Variants in THOC5 observed in about 807,000 individuals in gnomAD.
The protein encoded by THOC5 is Fms-interacting protein.
THOC5 carries 43 observed loss-of-function variants against 92.9 expected under a neutral mutation model. That is an observed-to-expected ratio of 0.46 (90% CI 0.36 to 0.60). The LOEUF is 0.60. Ranked by LOEUF, THOC5 falls within the 20% of genes least tolerant of loss-of-function variation. The probability of loss-of-function intolerance (pLI) is 0.00; values close to 1 mark genes in which losing one functional copy is unlikely to be tolerated. For synonymous variants in THOC5, 296 were observed against 320.1 expected, an observed-to-expected ratio of 0.92 and a Z score of 0.80; for missense variants, 659 against 849.4, an observed-to-expected ratio of 0.78 and a Z score of 2.79.
Position 29,528,415 on chromosome 22 carries a change from A to G in THOC5, c.966+11T>C. 6.2e-7 allele frequency: 1 copy of G among 1,613,938 alleles called. No individual in the cohort carries two copies. The highest frequency in any genetic ancestry group is 8.5e-7 in the Non-Finnish European group (1 of 1,180,016). On this transcript the variant is annotated intron_variant, in intron 10 of 19. Coordinates refer to ENST00000490103, the MANE Select transcript of THOC5 (RefSeq NM_003678.5). Reference sequence around the variant, plus strand: ...CTGCTTGATGCCCCCACAAGAGGAAATGGTTCTCACCGTAGTCTGCTCCTC... The same window carrying G: ...CTGCTTGATGCCCCCACAAGAGGAAGTGGTTCTCACCGTAGTCTGCTCCTC...
At chr22:29,548,544 G>A (rs2064074710) in intron 2 of THOC5, among the ~76,000 whole-genome samples, 3 of 152,108 alleles carry the variant, frequency 2.0e-5, no homozygotes, top group South Asian at 4.1e-4. Context: ...GACACAGTGA[G>A]ACCCTGTCTC....
Position 29,548,089 on chromosome 22 carries a change from A to C in THOC5, c.96+963T>G, listed in dbSNP as rs2064062896. On this transcript the variant is annotated intron_variant, in intron 2 of 19. Coordinates refer to ENST00000490103, the MANE Select transcript of THOC5 (RefSeq NM_003678.5). ...TTCACTATAATAAGAACAGCATGGG[A>C]AAGACCGGCCCCCATGATTCAATTA... 3.3e-5 allele frequency among the ~76,000 whole-genome samples: 5 copies of C among 152,186 alleles called. 1 individual carries two copies. The highest frequency in any genetic ancestry group is 3.3e-4 in the Admixed American group (5 of 15,274).
At chr22:29,535,181 T>G (rs1484212778) in intron 7 of THOC5, 1 of 143,588 alleles carries the variant, frequency 7.0e-6, no homozygotes, top group Non-Finnish European at 1.5e-5. Context: ...GAGAATCACT[T>G]GAACCTGGGA....
intron 1 of THOC5, among the ~76,000 whole-genome samples, chr22:29,552,736 G>T (rs1292280096): frequency 6.6e-6 from 1 of 152,190 alleles, no homozygotes; most frequent in Admixed American, 6.5e-5. Flanking sequence ...CCGTCTGGGA[G>T]GTGTACCCAA....
In THOC5 at chr22:29,517,123, G is replaced by T. The variant is rs770695148; in HGVS notation, c.1594-7C>A. The T allele has an allele frequency of 1.2e-6, 2 of 1,614,116 alleles. No homozygotes were observed. The highest frequency in any genetic ancestry group is 2.2e-5 in the East Asian group (1 of 44,884). On this transcript the variant is annotated splice_polypyrimidine_tract_variant and splice_region_variant and intron_variant, in intron 16 of 19. Coordinates refer to ENST00000490103, the MANE Select transcript of THOC5 (RefSeq NM_003678.5). ...CTTTGGTGAAGTGCAGCTCCTAGAA[G>T]AGGTACCACAGACAAGAGGTGAACT...
At chr22:29,548,683 G>T (rs549370562) in intron 2 of THOC5, among the ~76,000 whole-genome samples, 1 of 152,240 alleles carries the variant, frequency 6.6e-6, no homozygotes, top group African/African-American at 2.4e-5. Context: ...AGGTTCTGTG[G>T]GCACATGGTT....
chr22:29,551,950 T>G (rs941528490), intron 1 of THOC5, among the ~76,000 whole-genome samples: 4 of 151,922 alleles, frequency 2.6e-5, no homozygotes, highest in Non-Finnish European at 4.4e-5. Context: ...CACGCCTGAC[T>G]GGTTTTCGTA....
Position 29,544,383 on chromosome 22 carries a change from AG to A in THOC5, c.240+76del. 2.8e-6 allele frequency: 4 copies of A among 1,453,568 alleles called. No homozygotes were observed. In the South Asian group the frequency reaches 5.5e-5, roughly 20 times the overall value. The allele number at this position is 1,453,568 out of a possible 1,614,324, so 90.0% of individuals were successfully genotyped here. On this transcript the variant is annotated intron_variant, in intron 3 of 19. Transcript: ENST00000490103. The stretch of plus-strand genomic sequence containing the variant: ...CTAGGACAGAAGATCAAGATCAGGA[AG>A]GGCCCTGGTAGGTGCAAAAACAGCC...
intron 12 of THOC5, 25 bp from the exon 13 acceptor site, chr22:29,521,124 G>A (rs1204201267): frequency 6.5e-7 from 1 of 1,543,874 alleles, no homozygotes; most frequent in Non-Finnish European, 9.0e-7. Flanking sequence ...ACAGTAAGCA[G>A]TGAGAATGCA....
chr22:29,511,293 T>G lies in THOC5; in HGVS notation c.1801A>C (p.Met601Leu), dbSNP rs1437644967. The G allele has an allele frequency of 3.1e-6, 5 of 1,610,268 alleles. No homozygotes were observed. Among genetic ancestry groups the G allele is most frequent in the Middle Eastern group, 1.8e-4 (1 of 5,496 alleles). The change falls in exon 19 of 20, where the codon ATG becomes CTG. Residue 601 changes from methionine to leucine, a missense_variant. Transcript: ENST00000490103. ...TNSNDDNIRA[M>L]EGEVNVCYKE... ...TAGCACACATTGACTTCGCCCTCCA[T>G]GGCCTGTGTGATAGGAAAGCCAGCA...
chr22:29,532,108 T>C, intron 7 of THOC5, 145 bp from the exon 8 acceptor site: 1 of 972,492 alleles, frequency 1.0e-6, no homozygotes, highest in Non-Finnish European at 1.5e-6. Flanking sequence ...AAGCTCAACG[T>C]AAACAAAATT....
At chr22:29,548,981 C>A (rs2064085254) in intron 2 of THOC5, 71 bp downstream of exon 2, 5 of 1,506,754 alleles carry the variant, frequency 3.3e-6, no homozygotes, top group Non-Finnish European at 3.7e-6. Context: ...CGAGCTGCTG[C>A]AAACACACAG....
chr22:29,519,975 C>A, intron 14 of THOC5, 33 bp downstream of exon 14: 5 of 1,572,092 alleles, frequency 3.2e-6, no homozygotes, highest in Non-Finnish European at 4.4e-6. Flanking sequence ...GAGGTAAGCT[C>A]CTCAGCCAAC....
At chr22:29,538,018 T>C (rs948107342) in intron 6 of THOC5, among the ~76,000 whole-genome samples, 3 of 152,254 alleles carry the variant, frequency 2.0e-5, no homozygotes, top group Admixed American at 6.5e-5. Flanking sequence ...AGTCTCATTC[T>C]GTCGCCCAGG....
At chr22:29,538,052 G>A (rs1005742773) in intron 6 of THOC5, among the ~76,000 whole-genome samples, 2 of 151,876 alleles carry the variant, frequency 1.3e-5, no homozygotes, top group Non-Finnish European at 2.9e-5. Context: ...GCGCAATCTC[G>A]GCTCACTGCA....
chr22:29,510,245 T>A (rs776565499), intron 19 of THOC5, among the ~76,000 whole-genome samples: 47 of 152,340 alleles, frequency 3.1e-4, no homozygotes, highest in Non-Finnish European at 2.4e-4. Context: ...CAGGACTTTA[T>A]ATGAATTACT....
intron 5 of THOC5, among the ~76,000 whole-genome samples, chr22:29,540,531 G>T (rs9613943): frequency 0.25 from 37,505 of 151,980 alleles, 4,708 homozygotes; most frequent in East Asian, 0.32. Context: ...TTGAACCCAG[G>T]CTGTGTAACT....
At chr22:29,551,873 T>C (rs2064155620) in intron 1 of THOC5, among the ~76,000 whole-genome samples, 1 of 140,072 alleles carries the variant, frequency 7.1e-6, no homozygotes, top group Non-Finnish European at 1.5e-5. Flanking sequence ...CTCGGCTCAC[T>C]GGAACCTCTC....
chr22:29,549,104 C>T lies in THOC5; in HGVS notation c.44G>A (p.Arg15Gln), dbSNP rs1415092767. The T allele has an allele frequency of 5.0e-6, 8 of 1,614,180 alleles. No individual in the cohort carries two copies. Among genetic ancestry groups the T allele is most frequent in the South Asian group, 1.1e-5 (1 of 91,082 alleles). ...TCCTTCAGCTGGGGCTCCATCGCTT[C>T]GGATCACTTTGGGCTTCCGTTTTTT... is the stretch of plus-strand genomic sequence containing the variant. The part of the protein sequence containing the change: ...SSKKRKPKVI[R>Q]SDGAPAEGKR... Residue 15 changes from arginine (R) to glutamine (Q), a missense_variant, in exon 2 of 20, where the codon CGA (arginine) becomes CAA (glutamine). Transcript: ENST00000490103.
Sources: allele counts gnomAD v4.1 joint callset (sites outside exome capture counted in the v4.1 genomes callset), GRCh38; gene constraint gnomAD v4.1.1; transcripts MANE v1.5; gene names NCBI Gene and HGNC (gene_info 2026-07-23, HGNC 2026-07-21).